The following TRPC4 variants were observed in gnomAD, a reference collection of about 807,000 sequenced individuals.
TRPC4 encodes short transient receptor potential channel 4.
TRPC4 carries 49 observed loss-of-function variants against 99.4 expected under a neutral mutation model. That is an observed-to-expected ratio of 0.49 (90% CI 0.39 to 0.63). The LOEUF is 0.63. Ranked by LOEUF, TRPC4 falls within the 20% of genes least tolerant of loss-of-function variation. TRPC4 has a pLI of 0.00. For missense variants in TRPC4, 898 were observed against 1,152.9 expected, an observed-to-expected ratio of 0.78 and a Z score of 3.20; for synonymous variants, 454 against 425.9, an observed-to-expected ratio of 1.07 and a Z score of -0.81.
intron 1 of TRPC4, among the ~76,000 whole-genome samples, chr13:37,799,969 C>T (rs1393331596): frequency 6.6e-6 from 1 of 152,114 alleles, no homozygotes; most frequent in Non-Finnish European, 1.5e-5. Flanking sequence ...ATAATTATGT[C>T]CATAGGCGGG....
At chr13:37,818,695 G>A (rs2139517743) in intron 1 of TRPC4, among the ~76,000 whole-genome samples, 1 of 152,086 alleles carries the variant, frequency 6.6e-6, no homozygotes, top group South Asian at 2.1e-4. Flanking sequence ...GTAAACTAAT[G>A]CAGGAACAGA....
chr13:37,853,891 G>A (rs1306204063), intron 1 of TRPC4, among the ~76,000 whole-genome samples: 1 of 151,356 alleles, frequency 6.6e-6, no homozygotes, highest in Non-Finnish European at 1.5e-5. Context: ...GGAGACAGAA[G>A]AAAAAATAAT....
chr13:37,654,235 G>A (rs556135007), intron 7 of TRPC4, among the ~76,000 whole-genome samples: 4 of 152,004 alleles, frequency 2.6e-5, no homozygotes, highest in Non-Finnish European at 4.4e-5. Flanking sequence ...TAGATTCAAA[G>A]GTGTAATGGA....
At chr13:37,769,112 C>A (rs1448533001) in intron 2 of TRPC4, among the ~76,000 whole-genome samples, 1 of 151,278 alleles carries the variant, frequency 6.6e-6, no homozygotes, top group Non-Finnish European at 1.5e-5. Context: ...TTTAACGAAA[C>A]CTCTGCTAGT....
rs1015920634 is a variant in TRPC4 at position 37,632,398 on chromosome 13, C to T, written c.*4505G>A. Among the ~76,000 whole-genome samples the T allele has an allele frequency of 2.0e-5, 3 of 152,178 alleles. No individual in the cohort carries two copies. Among genetic ancestry groups the T allele is most frequent in the Non-Finnish European group, 4.4e-5 (3 of 68,032 alleles). On this transcript the variant is annotated 3_prime_UTR_variant, in exon 11 of 11. Transcript: ENST00000379705. ...TTTATGAGCTAGTTTACATTATTTTCATACTGTCCTAGAAATCTGGTGTGT... is the reference window on the plus strand; with the variant it reads ...TTTATGAGCTAGTTTACATTATTTTTATACTGTCCTAGAAATCTGGTGTGT...
chr13:37,761,883 A>G (rs1295376664), intron 2 of TRPC4, among the ~76,000 whole-genome samples: 2 of 150,220 alleles, frequency 1.3e-5, no homozygotes, highest in Admixed American at 6.6e-5. Context: ...AAGGTTTAGA[A>G]TGCATGCTTT....
chr13:37,695,783 A>G (rs17056462), intron 3 of TRPC4, among the ~76,000 whole-genome samples: 18,284 of 152,210 alleles, frequency 0.12, 1,178 homozygotes, highest in East Asian at 0.27. Context: ...TGAAGACACT[A>G]TGAAAACTAT....
intron 3 of TRPC4, among the ~76,000 whole-genome samples, chr13:37,712,761 A>G (rs1231435712): frequency 3.9e-5 from 6 of 152,132 alleles, no homozygotes; most frequent in Non-Finnish European, 8.8e-5. Context: ...GAGAAGGGTG[A>G]GAGGCTGAAA....
intron 1 of TRPC4, among the ~76,000 whole-genome samples, chr13:37,794,196 G>T (rs1329143311): frequency 9.6e-6 from 1 of 104,026 alleles, no homozygotes; most frequent in Middle Eastern, 6.3e-3. Context: ...TTACATATGG[G>T]TAATTGGTGG....
chr13:37,747,735 A>C (rs748631533), intron 2 of TRPC4, among the ~76,000 whole-genome samples: 1 of 152,190 alleles, frequency 6.6e-6, no homozygotes, highest in Non-Finnish European at 1.5e-5. Flanking sequence ...AGAAACACTA[A>C]AGATAATAGG....
chr13:37,743,288 TA>T (rs1273785856), intron 3 of TRPC4, among the ~76,000 whole-genome samples: 1 of 152,150 alleles, frequency 6.6e-6, no homozygotes, highest in African/African-American at 2.4e-5. Flanking sequence ...TATTAGGCTT[TA>T]TCACCCTTCC....
intron 1 of TRPC4, among the ~76,000 whole-genome samples, chr13:37,786,330 A>G (rs1055263436): frequency 2.8e-5 from 4 of 140,704 alleles, no homozygotes; most frequent in Non-Finnish European, 4.7e-5. Context: ...ACACACACAC[A>G]CACGTAGAGA....
intron 3 of TRPC4, among the ~76,000 whole-genome samples, chr13:37,706,519 G>T (rs958552093): frequency 1.3e-5 from 2 of 151,994 alleles, no homozygotes; most frequent in Non-Finnish European, 2.9e-5. Context: ...GGGTACATGT[G>T]CACAATGTGC....
intron 1 of TRPC4, among the ~76,000 whole-genome samples, chr13:37,835,115 A>G (rs919040197): frequency 4.6e-5 from 7 of 152,236 alleles, no homozygotes; most frequent in Non-Finnish European, 8.8e-5. Flanking sequence ...AAATAAAAGC[A>G]CATTGGAATG....
At chr13:37,741,583 C>T (rs549920594) in intron 3 of TRPC4, among the ~76,000 whole-genome samples, 3 of 152,088 alleles carry the variant, frequency 2.0e-5, no homozygotes, top group South Asian at 2.1e-4. Flanking sequence ...GACACAGAAA[C>T]GTAAAAGTGG....
chr13:37,760,948 C>A (rs759361812), intron 2 of TRPC4, among the ~76,000 whole-genome samples: 1 of 151,898 alleles, frequency 6.6e-6, no homozygotes, highest in Non-Finnish European at 1.5e-5. Flanking sequence ...AGCCTATTTT[C>A]TGTCTACTTT....
chr13:37,738,026 C>T (rs767287711), intron 3 of TRPC4, among the ~76,000 whole-genome samples: 2 of 152,122 alleles, frequency 1.3e-5, no homozygotes, highest in African/African-American at 4.8e-5. Flanking sequence ...CAACAGCCAT[C>T]GATAATTCCT....
intron 3 of TRPC4, among the ~76,000 whole-genome samples, chr13:37,721,919 G>A (rs1042788685): frequency 6.6e-6 from 1 of 152,030 alleles, no homozygotes; most frequent in African/African-American, 2.4e-5. Context: ...TGACAGGTGT[G>A]AGCCACCACA....
chr13:37,839,017 A>G (rs1958653930), intron 1 of TRPC4, among the ~76,000 whole-genome samples: 1 of 152,186 alleles, frequency 6.6e-6, no homozygotes, highest in Non-Finnish European at 1.5e-5. Context: ...GCTCTTATAT[A>G]TATCTTATAA....
Sources: gnomAD v4.1 joint callset for allele counts (sites outside exome capture counted in the v4.1 genomes callset) on GRCh38, gnomAD v4.1.1 for gene constraint, MANE v1.5 for transcripts, NCBI Gene and HGNC (gene_info 2026-07-23, HGNC 2026-07-21) for gene names.